SLC38A12: variants seen among roughly 807,000 people sequenced by gnomAD.
SLC38A12 encodes putative sodium-coupled neutral amino acid transporter 12.
At chr17:74,785,683 G>A in the SLC38A12 span, 2 of 1,535,380 alleles carry the variant, frequency 1.3e-6, no homozygotes, top group East Asian at 2.3e-5. Flanking sequence ...GAACATGAGG[G>A]CACTGAGGGG....
the SLC38A12 span, among the ~76,000 whole-genome samples, chr17:74,820,531 G>A: frequency 2.0e-5 from 3 of 152,246 alleles, no homozygotes; most frequent in Non-Finnish European, 2.9e-5. Flanking sequence ...CCACCTGGAC[G>A]GAGGACAGGA....
the SLC38A12 span, among the ~76,000 whole-genome samples, chr17:74,811,337 C>CAA: frequency 7.0e-6 from 1 of 143,734 alleles, no homozygotes; most frequent in African/African-American, 2.6e-5. Flanking sequence ...CTGAAGAAAC[C>CAA]AAAAAAAAAC....
At chr17:74,777,214 AC>A in the SLC38A12 span, 1 of 1,202,342 alleles carries the variant, frequency 8.3e-7, no homozygotes. Context: ...GCCTCCTCCC[AC>A]CCCTGTCTCA....
At chr17:74,835,908 CCT>C in the SLC38A12 span, 4 of 1,584,668 alleles carry the variant, frequency 2.5e-6, no homozygotes, top group African/African-American at 1.3e-5. Context: ...CCAGGTGACT[CCT>C]CTCTCTCGTT....
the SLC38A12 span, among the ~76,000 whole-genome samples, chr17:74,799,242 C>T: frequency 2.0e-5 from 3 of 152,246 alleles, no homozygotes; most frequent in South Asian, 2.1e-4. Context: ...CGGCATCTAC[C>T]GCTCACAGGT....
chr17:74,797,594 A>G, the SLC38A12 span, among the ~76,000 whole-genome samples: 47,447 of 152,048 alleles, frequency 0.31, 7,913 homozygotes, highest in East Asian at 0.45. Context: ...GGGCCTTGGC[A>G]TTGTCTCAGA....
the SLC38A12 span, among the ~76,000 whole-genome samples, chr17:74,779,671 A>C: frequency 6.6e-6 from 1 of 152,214 alleles, no homozygotes; most frequent in African/African-American, 2.4e-5. Flanking sequence ...GCCCCAGCTC[A>C]AGACAACGTG....
At chr17:74,835,879 A>G in the SLC38A12 span, 1 of 1,543,766 alleles carries the variant, frequency 6.5e-7, no homozygotes, top group South Asian at 1.2e-5. Context: ...AACTCAAGGT[A>G]GGGCCGTGCC....
At chr17:74,787,247 G>A in the SLC38A12 span, among the ~76,000 whole-genome samples, 5 of 152,086 alleles carry the variant, frequency 3.3e-5, no homozygotes, top group Admixed American at 1.3e-4. Flanking sequence ...ACGTCAGGGT[G>A]AGCAGTCAGC....
the SLC38A12 span, among the ~76,000 whole-genome samples, chr17:74,799,936 C>T: frequency 3.3e-4 from 51 of 152,374 alleles, no homozygotes; most frequent in Middle Eastern, 3.4e-3. Flanking sequence ...CGCCCTCCCA[C>T]GGTTTACCTT....
the SLC38A12 span, among the ~76,000 whole-genome samples, chr17:74,819,353 G>T: frequency 2.0e-5 from 3 of 152,210 alleles, no homozygotes; most frequent in Non-Finnish European, 4.4e-5. Context: ...GACATGGCTG[G>T]TGCTTCTTTT....
At chr17:74,824,000 A>T in the SLC38A12 span, among the ~76,000 whole-genome samples, 4 of 152,242 alleles carry the variant, frequency 2.6e-5, no homozygotes, top group African/African-American at 9.6e-5. Context: ...CGTCTTCAGC[A>T]TCATCTTGGT....
At chr17:74,810,440 C>T in the SLC38A12 span, among the ~76,000 whole-genome samples, 11 of 152,306 alleles carry the variant, frequency 7.2e-5, no homozygotes, top group African/African-American at 1.7e-4. Context: ...TCAAAAAGTG[C>T]GTTATGGCAG....
At chr17:74,820,536 A>G in the SLC38A12 span, among the ~76,000 whole-genome samples, 1 of 152,314 alleles carries the variant, frequency 6.6e-6, no homozygotes, top group Non-Finnish European at 1.5e-5. Flanking sequence ...TGGACGGAGG[A>G]CAGGAGCGGG....
At chr17:74,809,720 C>T in the SLC38A12 span, among the ~76,000 whole-genome samples, 1 of 152,134 alleles carries the variant, frequency 6.6e-6, no homozygotes, top group African/African-American at 2.4e-5. Context: ...AGAGCCCTGG[C>T]CCCCCAGGTC....
chr17:74,778,733 C>T, the SLC38A12 span, among the ~76,000 whole-genome samples: 1 of 148,014 alleles, frequency 6.8e-6, no homozygotes, highest in Admixed American at 6.8e-5. Flanking sequence ...ACTGCAACCT[C>T]TGCCTCCCAG....
At chr17:74,838,757 G>A in the SLC38A12 span, 1 of 1,466,984 alleles carries the variant, frequency 6.8e-7, no homozygotes, top group Non-Finnish European at 9.0e-7. Flanking sequence ...TTGGGGCCAG[G>A]GGCAGAGAAC....
the SLC38A12 span, chr17:74,785,725 C>A: frequency 7.5e-7 from 1 of 1,331,380 alleles, no homozygotes; most frequent in Non-Finnish European, 1.0e-6. Flanking sequence ...CCGTATCGAG[C>A]TCAGTGAGTC....
the SLC38A12 span, among the ~76,000 whole-genome samples, chr17:74,778,082 G>C: frequency 3.3e-5 from 5 of 152,128 alleles, no homozygotes; most frequent in African/African-American, 1.2e-4. Context: ...TTATAGTCTT[G>C]GATGGCGTAA....
Sources: gnomAD v4.1 joint callset for allele counts (sites outside exome capture counted in the v4.1 genomes callset) on GRCh38, gnomAD v4.1.1 for gene constraint, MANE v1.5 for transcripts, NCBI Gene and HGNC (gene_info 2026-07-23, HGNC 2026-07-21) for gene names.